Variants in PRKX observed in about 807,000 individuals in gnomAD.
The protein encoded by PRKX is protein kinase cAMP-dependent X-linked catalytic subunit.
In PRKX, 12 loss-of-function variants were observed where a neutral mutation model predicts 22.0. The observed-to-expected ratio is 0.54, with a 90% CI of 0.35 to 0.88. PRKX has a LOEUF of 0.88. Ranked by LOEUF, PRKX falls within the 40% of genes least tolerant of loss-of-function variation. The probability of loss-of-function intolerance (pLI) is 0.01; values close to 1 mark genes in which losing one functional copy is unlikely to be tolerated. For synonymous variants in PRKX, 134 were observed against 137.7 expected (o/e 0.97, Z 0.19); for missense variants, 217 against 308.0 (o/e 0.70, Z 2.21).
chrX:3,706,505 T>C (rs1928688309), intron 1 of PRKX, among the ~76,000 whole-genome samples: 1 of 110,022 alleles, frequency 9.1e-6, no homozygotes, highest in African/African-American at 3.3e-5. Flanking sequence ...ATTTTTATTT[T>C]TTGAGACAAG....
chrX:3,631,540 T>C (rs780398796), intron 4 of PRKX, among the ~76,000 whole-genome samples: 1 of 111,271 alleles, frequency 9.0e-6, no homozygotes, highest in Non-Finnish European at 1.9e-5. Context: ...ACTGTGGCCC[T>C]CAGAAAGATC....
At chrX:3,638,862 G>C (rs1926955914) in intron 4 of PRKX, among the ~76,000 whole-genome samples, 2 of 106,604 alleles carry the variant, frequency 1.9e-5, no homozygotes, top group Admixed American at 2.1e-4. Context: ...TAGATGGATA[G>C]GCACATAGAT....
At chrX:3,617,229 A>G (rs185638066) in intron 6 of PRKX, among the ~76,000 whole-genome samples, 171 of 103,479 alleles carry the variant, frequency 1.7e-3, no homozygotes, top group Middle Eastern at 0.01. Context: ...ATACACATGT[A>G]TTATATATAT....
intron 1 of PRKX, among the ~76,000 whole-genome samples, chrX:3,689,941 C>T (rs1045819026): frequency 9.0e-6 from 1 of 110,734 alleles, no homozygotes; most frequent in South Asian, 3.9e-4. Context: ...GGCACCACTG[C>T]ACTCCAGCCT....
chrX:3,709,183 CAAAAAAAAA>C (rs35004174), intron 1 of PRKX, among the ~76,000 whole-genome samples: 2 of 47,635 alleles, frequency 4.2e-5, no homozygotes, highest in Admixed American at 2.7e-4. Context: ...GACCCTGTCT[CAAAAAAAAA>C]AAAAAAAAAA....
chrX:3,651,130 C>G (rs1927324298), intron 3 of PRKX, among the ~76,000 whole-genome samples: 1 of 109,731 alleles, frequency 9.1e-6, no homozygotes, highest in Non-Finnish European at 1.9e-5. Context: ...AAAAAAGCCC[C>G]CACAAAAAAA....
intron 2 of PRKX, among the ~76,000 whole-genome samples, chrX:3,658,898 A>C (rs1415404305): frequency 9.0e-6 from 1 of 111,611 alleles, no homozygotes; most frequent in Non-Finnish European, 1.9e-5. Flanking sequence ...AGCACAGGCC[A>C]TTCCACCAAA....
At position 3,634,432 on chromosome X, in the gene PRKX, T is replaced by C. The variant is rs189915804; in HGVS notation, c.719+7420A>G. ...GGGTGAAAATATAGCCCCGGGCACG[T>C]TGACTTGGGCATCACAGCAGTGGCC... is the stretch of plus-strand genomic sequence containing the variant. On this transcript the variant is annotated intron_variant, in intron 4 of 8. Coordinates refer to ENST00000262848, the MANE Select transcript of PRKX (RefSeq NM_005044.5). Among the ~76,000 whole-genome samples the C allele has an allele frequency of 4.4e-3, 483 of 109,264 alleles. 6 individuals are homozygous for C. The highest frequency in any genetic ancestry group is 0.015 in the African/African-American group (450 of 30,013). The allele number at this position is 109,264 out of a possible 115,157, so 94.9% of individuals were successfully genotyped here. A position where few individuals can be genotyped will look rare whatever the true frequency, so the allele number is the denominator to read the frequency against.
intron 3 of PRKX, 119 bp from the exon 4 acceptor site, chrX:3,642,090 C>T (rs758997882): frequency 1.2e-6 from 1 of 868,211 alleles, no homozygotes; most frequent in South Asian, 2.4e-5. Context: ...TCCGTTTACC[C>T]TCCTGTGCAC....
intron 7 of PRKX, among the ~76,000 whole-genome samples, chrX:3,613,050 C>G (rs1369887571): frequency 1.9e-5 from 2 of 102,946 alleles, no homozygotes; most frequent in Non-Finnish European, 3.9e-5. Context: ...ACTTGGGAGG[C>G]TGAGGCAGGA....
chrX:3,644,796 T>C (rs1176838305), intron 3 of PRKX, among the ~76,000 whole-genome samples: 2 of 111,678 alleles, frequency 1.8e-5, no homozygotes, highest in Non-Finnish European at 3.8e-5. Context: ...CAAAGTGGCC[T>C]GAAAGTAGCT....
intron 1 of PRKX, among the ~76,000 whole-genome samples, chrX:3,696,928 G>A (rs1220674145): frequency 1.8e-5 from 2 of 112,299 alleles, no homozygotes; most frequent in Admixed American, 9.5e-5. Flanking sequence ...GCTGAGGCAC[G>A]AGAATCACTT....
chrX:3,618,910 T>C (rs191553922), intron 6 of PRKX, among the ~76,000 whole-genome samples: 9 of 111,852 alleles, frequency 8.0e-5, no homozygotes, highest in Admixed American at 6.7e-4. Context: ...TCCAATCTTA[T>C]GAAGAGCCGT....
chrX:3,648,605 CCT>C (rs200718284), intron 3 of PRKX, among the ~76,000 whole-genome samples: 2,565 of 46,112 alleles, frequency 0.056, 45 homozygotes, highest in Middle Eastern at 0.094. Flanking sequence ...TCTCTCTACT[CCT>C]GTGTGTGTGT....
At chrX:3,685,975 G>A (rs1928170459) in intron 1 of PRKX, among the ~76,000 whole-genome samples, 1 of 111,743 alleles carries the variant, frequency 8.9e-6, no homozygotes, top group African/African-American at 3.3e-5. Context: ...GAGCCCAGGA[G>A]GTAGAGGCTG....
intron 3 of PRKX, among the ~76,000 whole-genome samples, chrX:3,653,616 A>G (rs1347329706): frequency 4.0e-5 from 3 of 75,905 alleles, no homozygotes; most frequent in Non-Finnish European, 2.5e-5. Context: ...TGTAATATAT[A>G]TATTATATAT....
chrX:3,648,721 A>G (rs1451192187), intron 3 of PRKX, among the ~76,000 whole-genome samples: 12 of 107,347 alleles, frequency 1.1e-4, no homozygotes, highest in African/African-American at 4.1e-4. Flanking sequence ...GCTAGAAATA[A>G]AAATCCAGAG....
chrX:3,708,886 T>C (rs888074126), intron 1 of PRKX, among the ~76,000 whole-genome samples: 1 of 103,284 alleles, frequency 9.7e-6, no homozygotes, highest in South Asian at 4.3e-4. Flanking sequence ...GACCGAGGGG[T>C]GTTCTGTGGT....
At position 3,651,623 on chromosome X, in the gene PRKX, C is replaced by G. The variant is rs1927336201; in HGVS notation, c.599+3526G>C. ...ATCATAAAATTTTCCTAGGAGAGCCCTTTTCTAAAAGCTGCCAGAGAAGAG... is the reference window on the plus strand; with the variant it reads ...ATCATAAAATTTTCCTAGGAGAGCCGTTTTCTAAAAGCTGCCAGAGAAGAG... On this transcript the variant is annotated intron_variant, in intron 3 of 8. Coordinates refer to ENST00000262848, the MANE Select transcript of PRKX (RefSeq NM_005044.5). Among the ~76,000 whole-genome samples the G allele has an allele frequency of 2.7e-5, 3 of 111,398 alleles. No individual in the cohort carries two copies. In the Admixed American group the frequency reaches 2.9e-4, roughly 11 times the overall value.
Sources: gnomAD v4.1 joint callset for allele counts (sites outside exome capture counted in the v4.1 genomes callset) on GRCh38, gnomAD v4.1.1 for gene constraint, MANE v1.5 for transcripts, NCBI Gene and HGNC (gene_info 2026-07-23, HGNC 2026-07-21) for gene names.